The following FAM107A variants were observed in gnomAD, a reference collection of about 807,000 sequenced individuals.
FAM107A encodes the protein actin-associated protein FAM107A.
FAM107A carries 19 observed loss-of-function variants against 13.7 expected under a neutral mutation model. That is an observed-to-expected ratio of 1.38 (90% CI 0.97 to 2.03). The LOEUF is 2.03. Among genes scored for constraint, FAM107A ranks in the 30% most tolerant of loss-of-function variants. FAM107A has a pLI of 0.00. For missense variants in FAM107A, 203 were observed against 184.4 expected (o/e 1.10, Z -0.58); for synonymous variants, 82 against 74.5 (o/e 1.10, Z -0.52).
Position 58,586,975 on chromosome 3 carries a change from C to G in FAM107A, c.-39G>C, listed in dbSNP as rs1020187112. 6 of 1,496,456 alleles carry G rather than the reference C, an allele frequency of 4.0e-6. No individual in the cohort carries two copies. In the African/African-American group the frequency reaches 8.6e-5, roughly 21 times the overall value. The allele number at this position is 1,496,456 out of a possible 1,614,324, so 92.7% of individuals were successfully genotyped here. A position where few individuals can be genotyped will look rare whatever the true frequency, so the allele number is the denominator to read the frequency against. On this transcript the variant is annotated 5_prime_UTR_variant, in exon 1 of 4. Transcript: ENST00000447756. ...CTACTGCAGAGCCAGCACTGCTGGC[C>G]CCGCGAGCGCACAGCAGGAGCGTAG...
intron 1 of FAM107A, among the ~76,000 whole-genome samples, chr3:58,626,257 C>A (rs1196450211): frequency 6.6e-6 from 1 of 152,150 alleles, no homozygotes; most frequent in East Asian, 1.9e-4. Flanking sequence ...GAGAAAGTGA[C>A]TGTTTCACAA....
chr3:58,620,141 G>T (rs1341888982), intron 1 of FAM107A, among the ~76,000 whole-genome samples: 1 of 152,102 alleles, frequency 6.6e-6, no homozygotes, highest in African/African-American at 2.4e-5. Flanking sequence ...AAAATCAAAC[G>T]GCCTCCCTTC....
At position 58,617,384 on chromosome 3, in the gene FAM107A, C is replaced by T. The variant is rs1013130006; in HGVS notation, c.-70+10032G>A. Among the ~76,000 whole-genome samples the T allele has an allele frequency of 2.6e-5, 4 of 152,156 alleles. No individual in the cohort carries two copies. Among genetic ancestry groups the T allele is most frequent in the Non-Finnish European group, 5.9e-5 (4 of 68,030 alleles). On this transcript the variant is annotated intron_variant, in intron 1 of 3. Transcript: ENST00000465970. The surrounding 1 kb of genome is among the most constrained non-coding windows in gnomAD (Gnocchi z 4.5). ...TAGGTGTGACATCATCCCTATGGGA[C>T]ACCTCAGGCCCCGTCCTGAGCTTCC...
At chr3:58,601,921 G>C (rs546993387) in intron 1 of FAM107A, among the ~76,000 whole-genome samples, 1 of 152,276 alleles carries the variant, frequency 6.6e-6, no homozygotes, top group South Asian at 2.1e-4. Context: ...ACGTGGATGG[G>C]GCCGGGAGAG....
chr3:58,610,665 C>T (rs758352659), intron 1 of FAM107A, among the ~76,000 whole-genome samples: 8 of 152,240 alleles, frequency 5.3e-5, no homozygotes, highest in Admixed American at 1.3e-4. Context: ...ATAAATCCAT[C>T]TGTTAAAAGC....
At chr3:58,579,546 T>G (rs1218358448), upstream of FAM107A, among the ~76,000 whole-genome samples, 2 of 152,142 alleles carry the variant, frequency 1.3e-5, no homozygotes, top group African/African-American at 4.8e-5. Flanking sequence ...TAGATTCTTG[T>G]CAAACCACTC....
chr3:58,591,089 C>A (rs76677565), upstream of FAM107A, among the ~76,000 whole-genome samples: 297 of 152,300 alleles, frequency 2.0e-3, 1 homozygote, highest in Middle Eastern at 6.8e-3. This position sits in a 1 kb window ranked among gnomAD's most constrained non-coding sequence, Gnocchi z 4.3. Flanking sequence ...ACAACAAAGG[C>A]CTCTGTTCTT....
Position 58,617,954 on chromosome 3 carries a change from G to A in FAM107A, c.-70+9462C>T, listed in dbSNP as rs568744957. ...GTATCCAAGTTCAAGTCCCAGCTCT[G>A]GCACTTGTTGGCTCTGTGATCTTGA... On this transcript the variant is annotated intron_variant, in intron 1 of 3. Transcript: ENST00000465970. The surrounding 1 kb of genome is among the most constrained non-coding windows in gnomAD (Gnocchi z 4.5). Among the ~76,000 whole-genome samples the A allele has an allele frequency of 4.7e-4, 72 of 152,308 alleles. No homozygotes were observed. The South Asian group carries it at 0.013, about 28-fold the overall frequency.
At chr3:58,602,357 C>T (rs1167928809) in intron 1 of FAM107A, among the ~76,000 whole-genome samples, 2 of 152,186 alleles carry the variant, frequency 1.3e-5, no homozygotes, top group South Asian at 2.1e-4. Context: ...CTCTGGTGTG[C>T]TCCTGGAGGG....
rs1036707803 is a variant in FAM107A at position 58,569,177 on chromosome 3, C to T, written c.170+514G>A. On this transcript the variant is annotated intron_variant, in intron 2 of 3. Transcript: ENST00000360997. The surrounding 1 kb of genome is among the most constrained non-coding windows in gnomAD (Gnocchi z 5.7). ...TACATATGAGGTTCCCTCTGCCATC[C>T]AGCACCCACCTCCGGCCTGGCTAAC... 1.3e-5 allele frequency among the ~76,000 whole-genome samples: 2 copies of T among 152,334 alleles called. No homozygotes were observed. Among genetic ancestry groups the T allele is most frequent in the Admixed American group, 6.5e-5 (1 of 15,300 alleles).
At chr3:58,598,367 T>C (rs1575450648) in intron 1 of FAM107A, among the ~76,000 whole-genome samples, 1 of 152,194 alleles carries the variant, frequency 6.6e-6, no homozygotes, top group African/African-American at 2.4e-5. Context: ...CACTGTTTTC[T>C]ATCAAAGGAG....
intron 1 of FAM107A, among the ~76,000 whole-genome samples, chr3:58,593,979 C>A (rs558750466): frequency 2.4e-4 from 37 of 152,162 alleles, no homozygotes; most frequent in Admixed American, 1.7e-3. Flanking sequence ...CCCTCCCCCC[C>A]ACCATATTTG....
chr3:58,589,133 G>T, upstream of FAM107A: 1 of 959,754 alleles, frequency 1.0e-6, no homozygotes, highest in Non-Finnish European at 1.6e-6. Context: ...TGTGGCCATG[G>T]GATGTACTTT....
chr3:58,595,689 C>G (rs998739692), intron 1 of FAM107A, among the ~76,000 whole-genome samples: 1 of 146,678 alleles, frequency 6.8e-6, no homozygotes, highest in East Asian at 2.2e-4. Context: ...AAATAAACAG[C>G]CTTGTTGCGT....
At chr3:58,596,070 G>C (rs2065704899) in intron 1 of FAM107A, among the ~76,000 whole-genome samples, 1 of 152,150 alleles carries the variant, frequency 6.6e-6, no homozygotes, top group Non-Finnish European at 1.5e-5. Context: ...CAATACAACT[G>C]GGCACAACTC....
At chr3:58,583,327 T>C (rs1323710026) in intron 1 of FAM107A, among the ~76,000 whole-genome samples, 2 of 152,160 alleles carry the variant, frequency 1.3e-5, no homozygotes, top group Non-Finnish European at 2.9e-5. Context: ...ACTCTAATAT[T>C]AAGAAATTAT....
At chr3:58,570,197 A>G (rs1433781200) in intron 1 of FAM107A, 1 of 269,080 alleles carries the variant, frequency 3.7e-6, no homozygotes, top group Admixed American at 6.1e-5. Context: ...GCCCACTATA[A>G]AAGGAATTAT....
At chr3:58,582,021 T>C (rs2065551955), upstream of FAM107A, among the ~76,000 whole-genome samples, 1 of 152,098 alleles carries the variant, frequency 6.6e-6, no homozygotes. Context: ...TGTGTGTCTG[T>C]TTCTCTGTGT....
upstream of FAM107A, among the ~76,000 whole-genome samples, chr3:58,588,293 C>A (rs2065626962): frequency 6.6e-6 from 1 of 152,246 alleles, no homozygotes; most frequent in Admixed American, 6.5e-5. Context: ...TGGTCTCAGC[C>A]ACACAGTACC....
Sources: gnomAD v4.1 joint callset for allele counts (sites outside exome capture counted in the v4.1 genomes callset) on GRCh38, gnomAD v4.1.1 for gene constraint, Gnocchi (gnomAD v3.1) non-coding constraint, MANE v1.5 for transcripts, NCBI Gene and HGNC (gene_info 2026-07-23, HGNC 2026-07-21) for gene names.